Variants in EIF2B3 observed in about 807,000 individuals in gnomAD.
EIF2B3 encodes translation initiation factor eIF2B subunit gamma.
A neutral mutation model predicts 54.1 loss-of-function variants in EIF2B3; 20 were observed. The observed-to-expected ratio is 0.37, with a 90% CI of 0.26 to 0.54. EIF2B3 has a LOEUF of 0.54. EIF2B3 is among the 20% of genes least tolerant of loss of function. The probability of loss-of-function intolerance (pLI) is 0.86; values close to 1 mark genes in which losing one functional copy is unlikely to be tolerated. For missense variants in EIF2B3, 448 were observed against 547.8 expected (o/e 0.82, Z 1.82); for synonymous variants, 153 against 188.1 (o/e 0.81, Z 1.52).
In EIF2B3 at chr1:44,981,106, G is replaced by C; in HGVS notation, c.63C>G (p.Ser21=). Residue 21 remains serine, a synonymous_variant, in exon 2 of 12, where the codon TCC becomes TCG. Coordinates refer to ENST00000360403, the MANE Select transcript of EIF2B3 (RefSeq NM_020365.5). Reference sequence around the variant, plus strand: ...CTGGAAGCAGAGGTTTGGGAATGCTGGAAGTTAGGTCTGTCATCCGAGATC... The same window carrying C: ...CTGGAAGCAGAGGTTTGGGAATGCTCGAAGTTAGGTCTGTCATCCGAGATC... ...GGGSRMTDLT[S]SIPKPLLPVG... is the part of the protein sequence containing the mutation. 1 of 1,612,782 alleles carries C rather than the reference G, an allele frequency of 6.2e-7. No individual in the cohort carries two copies.
intron 4 of EIF2B3, among the ~76,000 whole-genome samples, chr1:44,929,623 A>C (rs1393459466): frequency 6.6e-6 from 1 of 152,228 alleles, no homozygotes; most frequent in Non-Finnish European, 1.5e-5. Flanking sequence ...AAACTTGAGA[A>C]TGTAACAAAG....
chr1:44,920,679 T>G (rs560996390), intron 5 of EIF2B3, among the ~76,000 whole-genome samples: 1 of 152,364 alleles, frequency 6.6e-6, no homozygotes, highest in African/African-American at 2.4e-5. Flanking sequence ...CTTAACATAA[T>G]GACCTCCAGT....
chr1:44,965,737 T>C (rs1037495941), intron 3 of EIF2B3, among the ~76,000 whole-genome samples: 4 of 148,828 alleles, frequency 2.7e-5, no homozygotes, highest in African/African-American at 7.5e-5. Context: ...CCTCCCGGGT[T>C]CAAGCGATCT....
At chr1:44,945,970 G>A (rs1022106813) in intron 3 of EIF2B3, among the ~76,000 whole-genome samples, 2 of 152,202 alleles carry the variant, frequency 1.3e-5, no homozygotes, top group African/African-American at 4.8e-5. Context: ...TAACAATGTT[G>A]TCTTGGCAAA....
intron 4 of EIF2B3, among the ~76,000 whole-genome samples, chr1:44,937,996 C>T (rs1569782564): frequency 6.9e-6 from 1 of 145,744 alleles, no homozygotes; most frequent in East Asian, 2.1e-4. Context: ...ATCAGTATCT[C>T]CTATAAATTT....
intron 5 of EIF2B3, among the ~76,000 whole-genome samples, chr1:44,915,624 A>G (rs1323977081): frequency 6.6e-6 from 1 of 152,136 alleles, no homozygotes; most frequent in Non-Finnish European, 1.5e-5. Context: ...TAGGTCTCCC[A>G]AAGTGCTGGG....
chr1:44,924,949 A>G (rs918462177), intron 5 of EIF2B3: 18 of 152,132 alleles, frequency 1.2e-4, no homozygotes, highest in African/African-American at 3.6e-4. Flanking sequence ...CTCATGCTTG[A>G]GTCATGGCTC....
chr1:44,984,197 A>G (rs990661684), intron 1 of EIF2B3, among the ~76,000 whole-genome samples: 2 of 151,866 alleles, frequency 1.3e-5, no homozygotes, highest in Non-Finnish European at 2.9e-5. Context: ...ATAAAATAAA[A>G]TAAAAAAGAG....
chr1:44,891,831 T>C (rs924882262), intron 6 of EIF2B3, among the ~76,000 whole-genome samples: 6 of 152,192 alleles, frequency 3.9e-5, no homozygotes, highest in African/African-American at 1.2e-4. Flanking sequence ...TGAGGTACTA[T>C]GCTAGGAAAA....
At chr1:44,923,377 T>G (rs1371069736) in intron 5 of EIF2B3, among the ~76,000 whole-genome samples, 1 of 152,246 alleles carries the variant, frequency 6.6e-6, no homozygotes, top group African/African-American at 2.4e-5. Context: ...ATAGTTTGAT[T>G]AGATAGAAAT....
intron 3 of EIF2B3, among the ~76,000 whole-genome samples, chr1:44,953,597 C>CA (rs1644192489): frequency 2.0e-5 from 3 of 151,708 alleles, no homozygotes; most frequent in Non-Finnish European, 2.9e-5. Flanking sequence ...GGCAACATGG[C>CA]GAAAAAAACA....
chr1:44,948,174 A>G (rs1022814), intron 3 of EIF2B3, among the ~76,000 whole-genome samples: 25,839 of 152,276 alleles, frequency 0.17, 2,299 homozygotes, highest in Non-Finnish European at 0.18. Context: ...AGGAAGGGAA[A>G]TGACCAACTC....
chr1:44,861,691 TTCTGAGACACATAAACCACTGCTGTGG>T (rs1333651841), intron 10 of EIF2B3, among the ~76,000 whole-genome samples: 1 of 152,156 alleles, frequency 6.6e-6, no homozygotes, highest in Non-Finnish European at 1.5e-5. Flanking sequence ...GTGTAGCTCT[TTCTGAGACACATAAACCACTGCTGTGG>T]AGCCTGCGGA....
At chr1:44,977,965 C>T (rs927421299) in intron 3 of EIF2B3, among the ~76,000 whole-genome samples, 1 of 152,058 alleles carries the variant, frequency 6.6e-6, no homozygotes, top group Non-Finnish European at 1.5e-5. Context: ...GGGGGCCAGG[C>T]GTGATGGCTC....
chr1:44,933,649 T>A (rs74073461), intron 4 of EIF2B3, among the ~76,000 whole-genome samples: 3 of 152,140 alleles, frequency 2.0e-5, no homozygotes, highest in African/African-American at 7.2e-5. Flanking sequence ...AGATAAAAAC[T>A]AAATTCAAAA....
intron 5 of EIF2B3, among the ~76,000 whole-genome samples, chr1:44,920,490 A>C (rs1018385229): frequency 6.6e-6 from 1 of 152,016 alleles, no homozygotes; most frequent in East Asian, 1.9e-4. Flanking sequence ...ATTCTTTCTA[A>C]CTAATTTTTT....
At chr1:44,931,535 C>T (rs56229047) in intron 4 of EIF2B3, among the ~76,000 whole-genome samples, 2 of 152,238 alleles carry the variant, frequency 1.3e-5, no homozygotes, top group Non-Finnish European at 2.9e-5. Flanking sequence ...TTAGGCCAAA[C>T]TGCCAACCTA....
At chr1:44,952,493 T>C (rs958435441) in intron 3 of EIF2B3, among the ~76,000 whole-genome samples, 3 of 151,884 alleles carry the variant, frequency 2.0e-5, no homozygotes, top group Non-Finnish European at 2.9e-5. Context: ...CAAAATTAAT[T>C]AATCTATATG....
chr1:44,873,439 C>T (rs1480814517), intron 10 of EIF2B3, among the ~76,000 whole-genome samples: 1 of 152,104 alleles, frequency 6.6e-6, no homozygotes, highest in Non-Finnish European at 1.5e-5. Context: ...GCTCTCCTTT[C>T]TCCCTTACCC....
Sources: gnomAD v4.1 joint callset for allele counts (sites outside exome capture counted in the v4.1 genomes callset) on GRCh38, gnomAD v4.1.1 for gene constraint, MANE v1.5 for transcripts, NCBI Gene and HGNC (gene_info 2026-07-23, HGNC 2026-07-21) for gene names.